Variants in SYN3 observed in about 807,000 individuals in gnomAD.
SYN3 encodes the protein synapsin-3.
Under a neutral mutation model 65.8 loss-of-function variants are expected in SYN3, and 35 were observed. The ratio of observed to expected loss-of-function variants is 0.53; its 90% CI spans 0.41 to 0.70. The LOEUF (loss-of-function observed/expected upper bound fraction) is 0.70, where lower values mean the gene tolerates loss of function less well. Among genes scored for constraint, SYN3 ranks in the 30% least tolerant of loss-of-function variants. The pLI is 0.00. For missense variants in SYN3, 680 were observed against 749.0 expected, an observed-to-expected ratio of 0.91 and a Z score of 1.08; for synonymous variants, 270 against 292.9, an observed-to-expected ratio of 0.92 and a Z score of 0.80.
At position 32,557,016 on chromosome 22, in the gene SYN3, C is replaced by G. The variant is rs536651910; in HGVS notation, c.775-15303G>C. ...TTAGGAAAATTAAAAGGATATCACA[C>G]TTTTTAAGATGGTATAAACTCTGTT... On this transcript the variant is annotated intron_variant, in intron 7 of 13. Transcript: ENST00000358763. Among the ~76,000 whole-genome samples the G allele has an allele frequency of 1.3e-4, 20 of 152,056 alleles. No individual in the cohort carries two copies. The South Asian group carries it at 3.5e-3, about 27-fold the overall frequency.
intron 6 of SYN3, among the ~76,000 whole-genome samples, chr22:32,604,785 G>C (rs530686383): frequency 1.3e-4 from 20 of 151,222 alleles, no homozygotes; most frequent in Admixed American, 3.9e-4. Context: ...GCGGGCAGAT[G>C]ACGAGGTCAG....
chr22:33,057,269 TA>T (rs985279602), intron 1 of SYN3, among the ~76,000 whole-genome samples: 5 of 152,306 alleles, frequency 3.3e-5, no homozygotes, highest in Admixed American at 3.3e-4. Context: ...GATAAAATTC[TA>T]AATATTCTAA....
At chr22:33,001,545 C>T (rs919418701) in intron 2 of SYN3, among the ~76,000 whole-genome samples, 1 of 152,164 alleles carries the variant, frequency 6.6e-6, no homozygotes, top group African/African-American at 2.4e-5. Flanking sequence ...ATCCAGACTG[C>T]CCTGTATATT....
intron 7 of SYN3, among the ~76,000 whole-genome samples, chr22:32,576,664 TC>T (rs1386838573): frequency 1.3e-5 from 2 of 152,274 alleles, no homozygotes; most frequent in Non-Finnish European, 1.5e-5. Context: ...CCAAATTCAT[TC>T]AAGTCTGCCG....
intron 3 of SYN3, among the ~76,000 whole-genome samples, chr22:32,944,344 A>G (rs952159111): frequency 1.3e-5 from 2 of 152,050 alleles, no homozygotes; most frequent in African/African-American, 4.8e-5. Flanking sequence ...CTCCTGAATG[A>G]CATGATCAAG....
chr22:32,623,231 G>C (rs2059620143), intron 6 of SYN3, among the ~76,000 whole-genome samples: 1 of 151,798 alleles, frequency 6.6e-6, no homozygotes, highest in African/African-American at 2.4e-5. Context: ...CTGTTGTTCA[G>C]GCTGGACAGC....
chr22:32,706,409 G>A (rs1363965069), intron 6 of SYN3, among the ~76,000 whole-genome samples: 4 of 152,142 alleles, frequency 2.6e-5, no homozygotes, highest in Admixed American at 1.3e-4. Flanking sequence ...ATGGGATGGC[G>A]TATTTAAAGT....
At chr22:32,621,545 G>A (rs970353042) in intron 6 of SYN3, among the ~76,000 whole-genome samples, 1 of 152,172 alleles carries the variant, frequency 6.6e-6, no homozygotes, top group Non-Finnish European at 1.5e-5. Flanking sequence ...GTGCTGGTCT[G>A]CACAGGAGCC....
At chr22:32,910,405 G>A (rs62234179) in intron 4 of SYN3, among the ~76,000 whole-genome samples, 1,800 of 152,154 alleles carry the variant, frequency 0.012, 18 homozygotes, top group Admixed American at 0.017. Context: ...AACAGGGTTC[G>A]AGAACCACAT....
At chr22:32,667,984 C>T (rs868799518) in intron 6 of SYN3, among the ~76,000 whole-genome samples, 50 of 151,210 alleles carry the variant, frequency 3.3e-4, no homozygotes, top group African/African-American at 1.1e-3. Context: ...TTAGTAGAGA[C>T]GGGGTTTCAC....
At chr22:32,746,298 G>T (rs2145625514) in intron 6 of SYN3, among the ~76,000 whole-genome samples, 1 of 152,216 alleles carries the variant, frequency 6.6e-6, no homozygotes, top group African/African-American at 2.4e-5. Flanking sequence ...CCAGACAGTT[G>T]GTCTGATTGG....
intron 6 of SYN3, among the ~76,000 whole-genome samples, chr22:32,691,575 A>T (rs1360042440): frequency 6.6e-6 from 1 of 152,158 alleles, no homozygotes; most frequent in Admixed American, 6.6e-5. Context: ...AGGGCATTTC[A>T]GTGAATCAGA....
intron 1 of SYN3, among the ~76,000 whole-genome samples, chr22:33,053,079 C>T (rs1039557569): frequency 6.6e-6 from 1 of 152,142 alleles, no homozygotes; most frequent in Non-Finnish European, 1.5e-5. Flanking sequence ...TCATTTATTT[C>T]CTGCACTGAA....
chr22:32,851,068 C>T (rs1457504402), intron 6 of SYN3, among the ~76,000 whole-genome samples: 2 of 152,162 alleles, frequency 1.3e-5, no homozygotes, highest in African/African-American at 4.8e-5. Context: ...GGTCATGAGA[C>T]CAGCTTATGT....
intron 10 of SYN3, among the ~76,000 whole-genome samples, chr22:32,532,977 TG>T (rs1168514828): frequency 2.4e-5 from 2 of 82,446 alleles, no homozygotes; most frequent in East Asian, 6.3e-4. Flanking sequence ...GGACATGGAG[TG>T]GGGGGGCAGG....
At chr22:32,767,315 G>T (rs12483871) in intron 6 of SYN3, among the ~76,000 whole-genome samples, 14,850 of 152,000 alleles carry the variant, frequency 0.098, 891 homozygotes, top group Admixed American at 0.15. Flanking sequence ...CTGCTTTCAT[G>T]TCCCCTGCAA....
At chr22:32,996,991 G>C (rs1042953990) in intron 2 of SYN3, among the ~76,000 whole-genome samples, 2 of 152,210 alleles carry the variant, frequency 1.3e-5, no homozygotes, top group Admixed American at 1.3e-4. Flanking sequence ...GTGCCGGGGT[G>C]TGAGGCCCCA....
intron 6 of SYN3, among the ~76,000 whole-genome samples, chr22:32,815,702 C>T (rs1281027905): frequency 1.3e-5 from 2 of 152,022 alleles, no homozygotes; most frequent in African/African-American, 4.8e-5. Flanking sequence ...CATCCTTGTC[C>T]TCCTCATTCC....
intron 1 of SYN3, among the ~76,000 whole-genome samples, chr22:33,016,521 T>G (rs2053470059): frequency 6.6e-6 from 1 of 152,234 alleles, no homozygotes; most frequent in Admixed American, 6.5e-5. Flanking sequence ...TTCCCACTCA[T>G]GGTGCACAAG....
Sources: allele counts gnomAD v4.1 joint callset (sites outside exome capture counted in the v4.1 genomes callset), GRCh38; gene constraint gnomAD v4.1.1; transcripts MANE v1.5; gene names NCBI Gene and HGNC (gene_info 2026-07-23, HGNC 2026-07-21).